Variants in TCF12 observed in about 807,000 individuals in gnomAD.
TCF12 encodes DNA-binding protein HTF4.
Under a neutral mutation model 86.0 loss-of-function variants are expected in TCF12, and 45 were observed. That is an observed-to-expected ratio of 0.52 (90% CI 0.41 to 0.67). TCF12 has a LOEUF of 0.67. TCF12 is among the 30% of genes least tolerant of loss of function. The pLI is 0.00. For synonymous variants in TCF12, 330 were observed against 299.6 expected (o/e 1.10, Z -1.05); for missense variants, 881 against 859.9 (o/e 1.02, Z -0.31).
intron 8 of TCF12, among the ~76,000 whole-genome samples, 160 bp from the exon 9 acceptor site, chr15:57,230,992 A>G (rs1315489854): frequency 6.6e-6 from 1 of 151,872 alleles, no homozygotes; most frequent in Non-Finnish European, 1.5e-5. Context: ...TAAGTTTGAC[A>G]TTATTTATGT....
chr15:57,088,382 T>C (rs2048782347), intron 4 of TCF12, among the ~76,000 whole-genome samples: 1 of 152,242 alleles, frequency 6.6e-6, no homozygotes. Context: ...CCTAGTCAAC[T>C]AACCTATTTC....
intron 5 of TCF12, among the ~76,000 whole-genome samples, chr15:57,098,454 T>A (rs538366659): frequency 2.6e-5 from 4 of 152,348 alleles, no homozygotes; most frequent in Non-Finnish European, 4.4e-5. Context: ...CCTCCATTTT[T>A]TTCTGCCCTT....
chr15:57,267,451 C>G (rs1456319208), intron 18 of TCF12, among the ~76,000 whole-genome samples: 1 of 152,146 alleles, frequency 6.6e-6, no homozygotes, highest in Non-Finnish European at 1.5e-5. Context: ...AGTTTTTATT[C>G]AAATAGAATT....
At position 57,225,893 on chromosome 15, in the gene TCF12, G is replaced by A. The variant is rs527762280; in HGVS notation, c.580-5259G>A. On this transcript the variant is annotated intron_variant, in intron 8 of 20. Transcript: ENST00000333725. Reference sequence around the variant, plus strand: ...CTTTTATTATACTTTAAGTTTTAGGGTACATGTGCACAATGTGCAGGTTAG... The same window carrying A: ...CTTTTATTATACTTTAAGTTTTAGGATACATGTGCACAATGTGCAGGTTAG... Among the ~76,000 whole-genome samples the A allele has an allele frequency of 6.0e-4, 90 of 150,826 alleles. 1 individual carries two copies. The highest frequency in any genetic ancestry group is 1.1e-3 in the Non-Finnish European group (73 of 67,818).
At chr15:56,983,968 A>G (rs973699622) in intron 3 of TCF12, among the ~76,000 whole-genome samples, 6 of 135,326 alleles carry the variant, frequency 4.4e-5, no homozygotes, top group African/African-American at 5.3e-5. Flanking sequence ...TGCCACTGCA[A>G]TTCAGCCTAG....
upstream of TCF12, chr15:56,918,446 A>C: frequency 2.9e-6 from 1 of 345,288 alleles, no homozygotes; most frequent in Non-Finnish European, 5.7e-6. Context: ...CGAGCGCCTC[A>C]TGCCCCTCCC....
At chr15:56,923,841 A>G (rs980797036) in intron 3 of TCF12, among the ~76,000 whole-genome samples, 1 of 152,022 alleles carries the variant, frequency 6.6e-6, no homozygotes, top group Non-Finnish European at 1.5e-5. Context: ...TGGTGTTTCT[A>G]TCTAGAATGT....
At position 57,247,726 on chromosome 15, in the gene TCF12, C is replaced by G. The variant is rs781406563; in HGVS notation, c.1115-3624C>G. 88 of 733,898 alleles carry G rather than the reference C, an allele frequency of 1.2e-4. No individual in the cohort carries two copies. In the Middle Eastern group the frequency reaches 3.6e-3, roughly 30 times the overall value. 45.5% of individuals were successfully genotyped at this position (733,898 alleles called of 1,614,324 possible). A position where few individuals can be genotyped will look rare whatever the true frequency, so the allele number is the denominator to read the frequency against. On this transcript the variant is annotated intron_variant, in intron 13 of 20. Coordinates refer to ENST00000333725, the MANE Select transcript of TCF12 (RefSeq NM_207037.2). Reference sequence around the variant, plus strand: ...CAGAATCCTCTATAGAAAGAGCTCTCTTTGGTTCCACTACACACCTGTCAG... The same window carrying G: ...CAGAATCCTCTATAGAAAGAGCTCTGTTTGGTTCCACTACACACCTGTCAG...
chr15:57,283,383 C>T (rs949693499), intron 20 of TCF12, among the ~76,000 whole-genome samples: 3 of 152,090 alleles, frequency 2.0e-5, no homozygotes, highest in Non-Finnish European at 4.4e-5. Flanking sequence ...CCTCAGCCTC[C>T]CGAGTAGACT....
chr15:57,200,977 G>A (rs1039025268), intron 8 of TCF12, among the ~76,000 whole-genome samples: 5 of 152,108 alleles, frequency 3.3e-5, no homozygotes, highest in African/African-American at 9.7e-5. Flanking sequence ...TGGGAAATTC[G>A]AAGTTCCTTT....
chr15:56,961,483 A>T (rs2061750855), intron 3 of TCF12, among the ~76,000 whole-genome samples: 1 of 152,234 alleles, frequency 6.6e-6, no homozygotes, highest in Admixed American at 6.5e-5. Flanking sequence ...CCGCAAAACG[A>T]TATAGTCCAG....
At position 57,286,608 on chromosome 15, in the gene TCF12, G is replaced by A. The variant is rs1377516401; in HGVS notation, c.*463G>A. The A allele has an allele frequency of 2.2e-5, 10 of 456,572 alleles. No individual in the cohort carries two copies. In the East Asian group the frequency reaches 3.5e-4, roughly 16 times the overall value. The allele number at this position is 456,572 out of a possible 1,614,324, so 28.3% of individuals were successfully genotyped here. On this transcript the variant is annotated 3_prime_UTR_variant, in exon 21 of 21. Coordinates refer to ENST00000333725, the MANE Select transcript of TCF12 (RefSeq NM_207037.2). Reference sequence around the variant, plus strand: ...AGCTGATGCCAGCATACATTAAAGCGGTTCACGTGCAGAGAACAAAGCAGT... The same window carrying A: ...AGCTGATGCCAGCATACATTAAAGCAGTTCACGTGCAGAGAACAAAGCAGT...
At position 56,919,926 on chromosome 15, in the gene TCF12, C is replaced by A; in HGVS notation, c.13C>A (p.Gln5Lys). 1.2e-6 allele frequency: 2 copies of A among 1,614,096 alleles called. No individual in the cohort carries two copies. Among genetic ancestry groups the A allele is most frequent in the Non-Finnish European group, 1.7e-6 (2 of 1,179,994 alleles). Residue 5 changes from glutamine to lysine, a missense_variant, in exon 2 of 21, where the codon CAA (glutamine) becomes AAA (lysine). Around this residue, in one of 3 missense-constraint regions of TCF12, gnomAD observed 766 missense variants for 718.9 expected, o/e 1.07. Transcript: ENST00000333725. Reference sequence around the variant, plus strand: ...GAAGTGGCCGAAGATGAATCCCCAGCAACAACGCATGGCCGCTATAGGGAC... The same window carrying A: ...GAAGTGGCCGAAGATGAATCCCCAGAAACAACGCATGGCCGCTATAGGGAC... The part of the protein sequence containing the change: MNPQ[Q>K]QRMAAIGTDK...
chr15:57,079,340 C>T (rs1171212900), intron 4 of TCF12, among the ~76,000 whole-genome samples: 1 of 152,092 alleles, frequency 6.6e-6, no homozygotes, highest in Non-Finnish European at 1.5e-5. Context: ...ATGAAGAATA[C>T]TATTTCTCAC....
chr15:56,984,472 C>A (rs764521456), intron 3 of TCF12, among the ~76,000 whole-genome samples: 2 of 152,056 alleles, frequency 1.3e-5, no homozygotes, highest in Non-Finnish European at 2.9e-5. Context: ...TGAACAAATT[C>A]TCTTGTCAGA....
At chr15:57,173,069 A>G (rs767962436) in intron 6 of TCF12, among the ~76,000 whole-genome samples, 52 of 152,204 alleles carry the variant, frequency 3.4e-4, no homozygotes, top group Non-Finnish European at 3.1e-4. Flanking sequence ...AGCCTGGGCA[A>G]CAGAGCAAGA....
chr15:57,269,508 C>T (rs191350686), intron 18 of TCF12, among the ~76,000 whole-genome samples: 1 of 151,438 alleles, frequency 6.6e-6, no homozygotes, highest in African/African-American at 2.4e-5. Flanking sequence ...CACTCTTTAT[C>T]CAATTTGTCA....
At chr15:57,103,658 C>G (rs1410486726) in intron 5 of TCF12, among the ~76,000 whole-genome samples, 1 of 152,048 alleles carries the variant, frequency 6.6e-6, no homozygotes, top group Non-Finnish European at 1.5e-5. Context: ...AATGTTTGCC[C>G]CACACAGTAT....
chr15:57,077,327 A>ATG (rs1172206511), intron 4 of TCF12, among the ~76,000 whole-genome samples: 7,818 of 25,192 alleles, frequency 0.31, 402 homozygotes, highest in Non-Finnish European at 0.35. Context: ...ATGTATATAT[A>ATG]TGTGTGTGTG....
Sources: gnomAD v4.1 joint callset for allele counts (sites outside exome capture counted in the v4.1 genomes callset) on GRCh38, gnomAD v4.1.1 for gene constraint, gnomAD v4.1.1 regional missense constraint, MANE v1.5 for transcripts, NCBI Gene and HGNC (gene_info 2026-07-23, HGNC 2026-07-21) for gene names.